Variants in ELMO1 observed in about 807,000 individuals in gnomAD.
The protein encoded by ELMO1 is engulfment and cell motility 1, also known as engulfment and cell motility protein 1.
Under a neutral mutation model 98.9 loss-of-function variants are expected in ELMO1, and 26 were observed. That is an observed-to-expected ratio of 0.26 (90% CI 0.19 to 0.36). The LOEUF (loss-of-function observed/expected upper bound fraction) is 0.36, where lower values mean the gene tolerates loss of function less well. Ranked by LOEUF, ELMO1 falls within the 10% of genes least tolerant of loss-of-function variation. The pLI is 1.00. For missense variants in ELMO1, 627 were observed against 935.2 expected, an observed-to-expected ratio of 0.67 and a Z score of 4.30; for synonymous variants, 346 against 346.0, an observed-to-expected ratio of 1.00 and a Z score of 0.00.
chr7:37,229,014 C>A (rs1164727298), intron 8 of ELMO1, among the ~76,000 whole-genome samples: 1 of 152,004 alleles, frequency 6.6e-6, no homozygotes, highest in Non-Finnish European at 1.5e-5. Context: ...AAACAAAAAA[C>A]CAGCCATGGA....
intron 1 of ELMO1, among the ~76,000 whole-genome samples, chr7:37,415,433 A>C (rs1036799214): frequency 2.0e-5 from 3 of 152,206 alleles, no homozygotes; most frequent in Admixed American, 6.5e-5. Context: ...GTCAGAGACT[A>C]CGTGAGTTCA....
chr7:37,074,174 C>T (rs1276675350), intron 15 of ELMO1, among the ~76,000 whole-genome samples: 1 of 147,176 alleles, frequency 6.8e-6, no homozygotes. Context: ...TATGTAAATA[C>T]ATTTATATAT....
intron 2 of ELMO1, among the ~76,000 whole-genome samples, chr7:37,317,417 G>C (rs1293866550): frequency 2.0e-5 from 3 of 152,152 alleles, no homozygotes; most frequent in African/African-American, 7.2e-5. Context: ...AGATTTGAAA[G>C]CAATCTAAGA....
At chr7:37,400,624 G>T (rs1256351033) in intron 1 of ELMO1, among the ~76,000 whole-genome samples, 1 of 152,122 alleles carries the variant, frequency 6.6e-6, no homozygotes, top group Non-Finnish European at 1.5e-5. Context: ...TTTAGGAAAC[G>T]GTGGAAGAGA....
Position 37,096,610 on chromosome 7 carries a change from T to A in ELMO1, c.1300+9A>T. 6.2e-7 allele frequency: 1 copy of A among 1,613,124 alleles called. No homozygotes were observed. Among genetic ancestry groups the A allele is most frequent in the Non-Finnish European group, 8.5e-7 (1 of 1,179,096 alleles). ...GCTTCACACCCATGTGGGAAATAAG[T>A]ATACTTACGCAACTCGCCCACTTTC... On this transcript the variant is annotated intron_variant, in intron 15 of 21. Coordinates refer to ENST00000310758, the MANE Select transcript of ELMO1 (RefSeq NM_014800.11).
chr7:37,359,027 A>G (rs1474510971), intron 1 of ELMO1, among the ~76,000 whole-genome samples: 1 of 152,228 alleles, frequency 6.6e-6, no homozygotes, highest in Non-Finnish European at 1.5e-5. Context: ...TATGGCTTCT[A>G]TAACAGAATA....
chr7:37,375,622 G>A (rs1802306070), intron 1 of ELMO1: 10 of 1,153,370 alleles, frequency 8.7e-6, no homozygotes, highest in South Asian at 7.4e-5. Context: ...TAAGCACCAG[G>A]AGCTGGCAGA....
At chr7:36,868,326 G>GCTTCTTCTTCTTCTT (rs201784212) in intron 20 of ELMO1, among the ~76,000 whole-genome samples, 1 of 138,002 alleles carries the variant, frequency 7.2e-6, no homozygotes, top group Non-Finnish European at 1.5e-5. Flanking sequence ...GCTTTGTTCT[G>GCTTCTTCTTCTTCTT]CTTCTTCTTC....
At chr7:37,024,234 T>A (rs934674712) in intron 15 of ELMO1, among the ~76,000 whole-genome samples, 3 of 152,162 alleles carry the variant, frequency 2.0e-5, no homozygotes, top group African/African-American at 7.2e-5. Flanking sequence ...ACTTATTATC[T>A]GTGTGACCTT....
chr7:37,191,024 C>A (rs1311697784), intron 13 of ELMO1, among the ~76,000 whole-genome samples: 3 of 151,310 alleles, frequency 2.0e-5, no homozygotes, highest in African/African-American at 7.3e-5. Context: ...CCCATCTCTA[C>A]TAAAAATACA....
In ELMO1 at chr7:37,119,929, T is replaced by C. The variant is rs186815416; in HGVS notation, c.1191+13201A>G. ...GCTGAAGCAAGGTTCTGTCTCCAGATTGTATACATTAATTATGTGATTTTT... is the reference window on the plus strand; with the variant it reads ...GCTGAAGCAAGGTTCTGTCTCCAGACTGTATACATTAATTATGTGATTTTT... On this transcript the variant is annotated intron_variant, in intron 14 of 21. Transcript: ENST00000310758. Among the ~76,000 whole-genome samples, 255 of 152,364 alleles carry C rather than the reference T, an allele frequency of 1.7e-3. 1 individual carries two copies. Among genetic ancestry groups the C allele is most frequent in the African/African-American group, 5.9e-3 (245 of 41,594 alleles).
intron 1 of ELMO1, among the ~76,000 whole-genome samples, chr7:37,433,420 C>T (rs957729188): frequency 1.3e-5 from 2 of 152,156 alleles, no homozygotes; most frequent in East Asian, 1.9e-4. Context: ...CTAGAAGTCA[C>T]GGAAGGTTCT....
chr7:37,390,466 T>C (rs78949897), intron 1 of ELMO1, among the ~76,000 whole-genome samples: 3 of 151,996 alleles, frequency 2.0e-5, no homozygotes, highest in African/African-American at 2.4e-5. Flanking sequence ...CTTTTTTTTT[T>C]CTTCTGACTC....
chr7:37,374,446 T>C (rs115034826), intron 1 of ELMO1, among the ~76,000 whole-genome samples: 1 of 152,192 alleles, frequency 6.6e-6, no homozygotes. Flanking sequence ...GAACATTAGT[T>C]AGTCGTTTAA....
Position 37,096,726 on chromosome 7 carries a change from A to G in ELMO1, c.1193T>C (p.Ile398Thr), listed in dbSNP as rs1784381319. 1.2e-6 allele frequency: 2 copies of G among 1,613,500 alleles called. No homozygotes were observed. The highest frequency in any genetic ancestry group is 1.7e-5 in the Admixed American group (1 of 60,002). ...TTCTCGACTACTGTTCTCAAGCACA[A>G]TCTGTAATGGGAAAGGGAACAGATT... ...AKHHQDAYIR[I>T]VLENSSREDK... The change falls in exon 15 of 22, where the codon ATT (isoleucine) becomes ACT (threonine). Residue 398 changes from isoleucine to threonine, a missense_variant and splice_region_variant. This residue lies in a region of ELMO1 where 492 missense variants were observed against 715.6 expected (regional missense o/e 0.69). Coordinates refer to ENST00000310758, the MANE Select transcript of ELMO1 (RefSeq NM_014800.11).
chr7:37,010,930 TTCCCA>T lies in ELMO1; in HGVS notation c.1437+2364_1437+2368del, dbSNP rs541109017. 3.2e-3 allele frequency among the ~76,000 whole-genome samples: 480 copies of T among 152,348 alleles called. 2 individuals carry two copies. Among genetic ancestry groups the T allele is most frequent in the Middle Eastern group, 6.8e-3 (2 of 294 alleles). ...TGTAGAAAATTAAAATTCCTTGTCC[TTCCCA>T]TCCTGGATTTTCCTCTGATATCTGC... is the stretch of plus-strand genomic sequence containing the variant. On this transcript the variant is annotated intron_variant, in intron 16 of 21. Coordinates refer to ENST00000310758, the MANE Select transcript of ELMO1 (RefSeq NM_014800.11).
At chr7:37,171,163 T>A (rs1264506967) in intron 13 of ELMO1, among the ~76,000 whole-genome samples, 1 of 152,120 alleles carries the variant, frequency 6.6e-6, no homozygotes, top group Non-Finnish European at 1.5e-5. Flanking sequence ...ATAAGACTGT[T>A]AAATGATAAA....
chr7:36,968,282 T>C (rs1789616849), intron 16 of ELMO1, among the ~76,000 whole-genome samples: 3 of 152,382 alleles, frequency 2.0e-5, no homozygotes, highest in Admixed American at 6.5e-5. Context: ...TCTGCACTTC[T>C]GATTTTCTTA....
intron 16 of ELMO1, among the ~76,000 whole-genome samples, chr7:36,918,990 T>G (rs1211929095): frequency 6.6e-6 from 1 of 152,176 alleles, no homozygotes; most frequent in East Asian, 1.9e-4. Flanking sequence ...ATTCATTCAT[T>G]CATTCAGTCA....
Sources: allele counts gnomAD v4.1 joint callset (sites outside exome capture counted in the v4.1 genomes callset), GRCh38; gene constraint gnomAD v4.1.1; regional missense constraint gnomAD v4.1.1; transcripts MANE v1.5; gene names NCBI Gene and HGNC (gene_info 2026-07-23, HGNC 2026-07-21).